Variants in ROBO2 observed in about 807,000 individuals in gnomAD.
ROBO2 encodes roundabout homolog 2.
A neutral mutation model predicts 160.8 loss-of-function variants in ROBO2; 53 were observed. That is an observed-to-expected ratio of 0.33 (90% CI 0.26 to 0.41). The LOEUF (loss-of-function observed/expected upper bound fraction) is 0.41, where lower values mean the gene tolerates loss of function less well. ROBO2 is among the 10% of genes least tolerant of loss of function. The probability of loss-of-function intolerance (pLI) is 1.00; values close to 1 mark genes in which losing one functional copy is unlikely to be tolerated. For missense variants in ROBO2, 1,577 were observed against 1,722.4 expected (o/e 0.92, Z 1.49); for synonymous variants, 664 against 611.7 (o/e 1.09, Z -1.26).
intron 2 of ROBO2, among the ~76,000 whole-genome samples, chr3:77,188,173 G>A (rs967881143): frequency 6.6e-6 from 1 of 151,754 alleles, no homozygotes; most frequent in Non-Finnish European, 1.5e-5. Context: ...GAAAGAGACA[G>A]AAAGATTTGA....
intron 2 of ROBO2, among the ~76,000 whole-genome samples, chr3:77,257,778 C>T (rs1256834861): frequency 6.6e-6 from 1 of 151,926 alleles, no homozygotes; most frequent in African/African-American, 2.4e-5. Flanking sequence ...AGATAAGTGG[C>T]GTAATTGAAG....
At chr3:76,066,884 A>C (rs1346817604) in intron 2 of ROBO2, among the ~76,000 whole-genome samples, 1 of 152,168 alleles carries the variant, frequency 6.6e-6, no homozygotes, top group Non-Finnish European at 1.5e-5. Flanking sequence ...TTTAGATTGC[A>C]TCAGAATCTT....
intron 2 of ROBO2, among the ~76,000 whole-genome samples, chr3:76,805,392 A>G (rs966984159): frequency 6.6e-6 from 1 of 151,912 alleles, no homozygotes; most frequent in Non-Finnish European, 1.5e-5. Context: ...TTTTGAATAT[A>G]TCCTGCCACC....
At chr3:76,162,223 C>T (rs572660043) in intron 2 of ROBO2, among the ~76,000 whole-genome samples, 2 of 152,176 alleles carry the variant, frequency 1.3e-5, no homozygotes, top group Non-Finnish European at 2.9e-5. Flanking sequence ...GTCCATACAG[C>T]ATATCAGTTA....
At chr3:76,864,992 GCT>G (rs1357617844) in intron 2 of ROBO2, among the ~76,000 whole-genome samples, 6 of 152,014 alleles carry the variant, frequency 3.9e-5, no homozygotes, top group Non-Finnish European at 7.4e-5. Flanking sequence ...TAAATTGAAA[GCT>G]CTGTCAGCAC....
At chr3:77,040,280 T>C (rs1578445333) in exon 1 of ROBO2, 1 of 994,334 alleles carries the variant, frequency 1.0e-6, no homozygotes, top group Non-Finnish European at 1.2e-6. Context: ...ATAGACATAT[T>C]AAAAAATAAC....
At chr3:77,554,483 G>A (rs1312256270) in intron 8 of ROBO2, among the ~76,000 whole-genome samples, 1 of 151,950 alleles carries the variant, frequency 6.6e-6, no homozygotes, top group Admixed American at 6.6e-5. Flanking sequence ...TGAAGGATCT[G>A]GGCAGGGTTA....
intron 6 of ROBO2, among the ~76,000 whole-genome samples, chr3:77,544,999 C>T (rs1381983001): frequency 6.6e-6 from 1 of 151,884 alleles, no homozygotes; most frequent in African/African-American, 2.4e-5. Context: ...GATTTTTACC[C>T]CCATCCCTTT....
intron 2 of ROBO2, among the ~76,000 whole-genome samples, chr3:76,101,137 G>A (rs752759364): frequency 3.3e-5 from 5 of 152,068 alleles, no homozygotes; most frequent in South Asian, 2.1e-4. Context: ...GCCGGTAATC[G>A]TCACAGAGTT....
upstream of ROBO2, among the ~76,000 whole-genome samples, chr3:77,038,705 C>T (rs905300457): frequency 2.0e-5 from 3 of 152,178 alleles, no homozygotes; most frequent in East Asian, 1.9e-4. Flanking sequence ...CACGTGGGCC[C>T]GGCCGCACCG....
intron 2 of ROBO2, among the ~76,000 whole-genome samples, chr3:75,961,352 T>G (rs998282866): frequency 6.6e-6 from 1 of 151,700 alleles, no homozygotes; most frequent in South Asian, 2.1e-4. Context: ...TTTATATTTA[T>G]TTTTACAGAT....
chr3:76,960,153 A>C (rs537367468), intron 2 of ROBO2, among the ~76,000 whole-genome samples: 1 of 152,212 alleles, frequency 6.6e-6, no homozygotes, highest in Admixed American at 6.5e-5. Flanking sequence ...CTCTTAGGAC[A>C]AAAACCTTAG....
chr3:76,834,062 T>TTTTCTTTCTTTC (rs71104628), intron 2 of ROBO2, among the ~76,000 whole-genome samples: 12,287 of 87,904 alleles, frequency 0.14, 1,407 homozygotes, highest in East Asian at 0.19. Flanking sequence ...CCTTTCTTTC[T>TTTTCTTTCTTTC]TTTCTTTCTT....
At chr3:76,809,324 G>A (rs1317897862) in intron 2 of ROBO2, among the ~76,000 whole-genome samples, 1 of 152,010 alleles carries the variant, frequency 6.6e-6, no homozygotes, top group Non-Finnish European at 1.5e-5. Context: ...CTGGTTGTTG[G>A]CCAGTGAGTG....
intron 2 of ROBO2, among the ~76,000 whole-genome samples, chr3:77,030,638 A>G (rs2063260379): frequency 6.6e-6 from 1 of 152,170 alleles, no homozygotes; most frequent in Non-Finnish European, 1.5e-5. Context: ...GGCTCTAGAG[A>G]AAAATTGGTT....
Position 76,956,685 on chromosome 3 carries a change from AGAT to A in ROBO2, c.110-141326_110-141324del, listed in dbSNP as rs141317936. ...AAGGAAGGACATGGCAGAGAGAGAG[AGAT>A]GAAGATAGATGTGCACCTGCTATGC... On this transcript the variant is annotated intron_variant, in intron 2 of 26. Coordinates refer to the ROBO2 transcript ENST00000487694. Among the ~76,000 whole-genome samples, 803 of 152,010 alleles carry A rather than the reference AGAT, an allele frequency of 5.3e-3. 7 individuals carry two copies. The highest frequency in any genetic ancestry group is 0.019 in the African/African-American group (768 of 41,494).
chr3:76,758,500 T>G (rs1339467260), intron 2 of ROBO2, among the ~76,000 whole-genome samples: 2 of 151,950 alleles, frequency 1.3e-5, no homozygotes, highest in East Asian at 3.9e-4. Context: ...TCTTTTCAAA[T>G]AAGTGCCCTT....
chr3:76,535,616 T>A (rs746081642), intron 2 of ROBO2, among the ~76,000 whole-genome samples: 1 of 152,066 alleles, frequency 6.6e-6, no homozygotes, highest in Non-Finnish European at 1.5e-5. Context: ...GTTTAAAATG[T>A]CTCGGCCTAA....
At chr3:77,199,079 A>T (rs771494162) in intron 2 of ROBO2, among the ~76,000 whole-genome samples, 8 of 152,190 alleles carry the variant, frequency 5.3e-5, no homozygotes, top group Non-Finnish European at 1.0e-4. Context: ...TACAAATGAC[A>T]TTGTAACCAA....
Sources: gnomAD v4.1 joint callset for allele counts (sites outside exome capture counted in the v4.1 genomes callset) on GRCh38, gnomAD v4.1.1 for gene constraint, MANE v1.5 for transcripts, NCBI Gene and HGNC (gene_info 2026-07-23, HGNC 2026-07-21) for gene names.